Variants in ADAT2 observed in about 807,000 individuals in gnomAD.
ADAT2 encodes adenosine deaminase tRNA specific 2, also known as tRNA-specific adenosine-34 deaminase catalytic subunit ADAT2.
In ADAT2, 26 loss-of-function variants were observed where a neutral mutation model predicts 25.9. That is an observed-to-expected ratio of 1.00 (90% CI 0.74 to 1.39). The LOEUF is 1.39. Among genes scored for constraint, ADAT2 ranks in the 40% most tolerant of loss-of-function variants. The pLI is 0.00. For synonymous variants in ADAT2, 76 were observed against 86.8 expected, an observed-to-expected ratio of 0.88 and a Z score of 0.69; for missense variants, 220 against 244.8, an observed-to-expected ratio of 0.90 and a Z score of 0.68.
chr6:143,432,979 T>C lies in ADAT2; in HGVS notation c.353-368A>G, dbSNP rs373297915. Among the ~76,000 whole-genome samples, 21 of 152,308 alleles carry C rather than the reference T, an allele frequency of 1.4e-4. No individual in the cohort carries two copies. Among genetic ancestry groups the C allele is most frequent in the Admixed American group, 1.1e-3 (17 of 15,296 alleles). ...ATTTTCACCTTTTAGAAATAAAAGA[T>C]TCTTCCCTGTTCTTGCCCCAAATAA... On this transcript the variant is annotated intron_variant, in intron 3 of 5. Coordinates refer to ENST00000237283, the MANE Select transcript of ADAT2 (RefSeq NM_182503.3). The surrounding 1 kb of genome is among the most constrained non-coding windows in gnomAD (Gnocchi z 4.4).
rs1280346187 is a variant in ADAT2 at position 143,440,574 on chromosome 6, A to C, written c.97-1880T>G. ...CTGATGCAGTAAGACTGCATTCAGG[A>C]CTATTTTATGAACTATCCACAGGCC... On this transcript the variant is annotated intron_variant, in intron 1 of 5. Transcript: ENST00000237283. This position sits in a 1 kb window ranked among gnomAD's most constrained non-coding sequence, Gnocchi z 4.5. Among the ~76,000 whole-genome samples the C allele has an allele frequency of 6.6e-6, 1 of 152,180 alleles. No individual in the cohort carries two copies. Among genetic ancestry groups the C allele is most frequent in the Non-Finnish European group, 1.5e-5 (1 of 68,022 alleles).
In ADAT2 at chr6:143,438,617, C is replaced by A; in HGVS notation, c.174G>T (p.Gly58=). ...TTTTGGTTTGGTTAACTTCATTTCTCCCCTTCCCTACAACTTCATTGTTGT... is the reference window on the plus strand; with the variant it reads ...TTTTGGTTTGGTTAACTTCATTTCTACCCTTCCCTACAACTTCATTGTTGT... The part of the protein sequence containing the change: ...MVYNNEVVGK[G]RNEVNQTKNA... Residue 58 remains glycine (G), a synonymous_variant, in exon 2 of 6, where the codon GGG becomes GGT. Transcript: ENST00000237283. The A allele has an allele frequency of 1.9e-6, 3 of 1,613,408 alleles. No individual in the cohort carries two copies. Among genetic ancestry groups the A allele is most frequent in the Non-Finnish European group, 2.5e-6 (3 of 1,179,464 alleles).
chr6:143,430,638 TCACTGC>T, intron 4 of ADAT2, among the ~76,000 whole-genome samples: 1 of 152,156 alleles, frequency 6.6e-6, no homozygotes, highest in Non-Finnish European at 1.5e-5. Flanking sequence ...CTCGGCTCAC[TCACTGC>T]GAGCTCTGCC....
rs1430557802 is a variant in ADAT2 at position 143,427,108 on chromosome 6, C to CACACACACAG, written c.*1354_*1355insCTGTGTGTGT. On this transcript the variant is annotated 3_prime_UTR_variant, in exon 6 of 6. Transcript: ENST00000237283. Reference sequence around the variant, plus strand: ...TCAAATGCAGTTAAACACACACACACACACACACACACACACACACACACA... The same window carrying CACACACACAG: ...TCAAATGCAGTTAAACACACACACACACACACACAGACACACACACACACACACACACACA... 2.6e-5 allele frequency: 4 copies of CACACACACAG among 151,716 alleles called. No homozygotes were observed. Among genetic ancestry groups the CACACACACAG allele is most frequent in the African/African-American group, 7.3e-5 (3 of 41,102 alleles). The allele number at this position is 151,716 out of a possible 1,614,324, so 9.4% of individuals were successfully genotyped here.
chr6:143,438,320 G>A (rs1035788613), intron 2 of ADAT2, among the ~76,000 whole-genome samples: 3 of 152,098 alleles, frequency 2.0e-5, no homozygotes, highest in Admixed American at 2.0e-4. Context: ...AAGCATTAGA[G>A]TAAAACTCTA....
chr6:143,443,438 G>C (rs944914765), intron 1 of ADAT2, among the ~76,000 whole-genome samples: 1 of 151,912 alleles, frequency 6.6e-6, no homozygotes, highest in Non-Finnish European at 1.5e-5. Context: ...AAATTTTAAG[G>C]ATAAAAAAAA....
Position 143,434,053 on chromosome 6 carries a change from C to T in ADAT2, c.202-72G>A, listed in dbSNP as rs1779195909. ...CTACTATTTTACAAATATACAAAAA[C>T]TAAGTACAAAATATGCGCCTATCCT... On this transcript the variant is annotated intron_variant, in intron 2 of 5. Coordinates refer to ENST00000237283, the MANE Select transcript of ADAT2 (RefSeq NM_182503.3). This position sits in a 1 kb window ranked among gnomAD's most constrained non-coding sequence, Gnocchi z 4.5. The T allele has an allele frequency of 6.4e-7, 1 of 1,574,182 alleles. No homozygotes were observed. The highest frequency in any genetic ancestry group is 1.7e-5 in the Admixed American group (1 of 57,554).
At chr6:143,429,140 T>C (rs1476270223) in intron 4 of ADAT2, among the ~76,000 whole-genome samples, 1 of 152,210 alleles carries the variant, frequency 6.6e-6, no homozygotes, top group Non-Finnish European at 1.5e-5. Context: ...CCATTAAGCA[T>C]TCCATGCTAT....
chr6:143,426,967 C>T lies in ADAT2; in HGVS notation c.*1496G>A, dbSNP rs1244933622. The stretch of plus-strand genomic sequence containing the variant: ...AATTACGACCAACTGCAAAAAGGAA[C>T]AAACTAGTAGAAGCACTAAAATTCA... On this transcript the variant is annotated 3_prime_UTR_variant, in exon 6 of 6. Transcript: ENST00000237283. The surrounding 1 kb of genome is among the most constrained non-coding windows in gnomAD (Gnocchi z 4.1). 3 of 152,112 alleles carry T rather than the reference C, an allele frequency of 2.0e-5. No individual in the cohort carries two copies. The East Asian group carries it at 5.8e-4, about 29-fold the overall frequency. 9.4% of individuals were successfully genotyped at this position (152,112 alleles called of 1,614,324 possible).
intron 4 of ADAT2, among the ~76,000 whole-genome samples, chr6:143,429,307 A>G (rs1315459782): frequency 6.6e-6 from 1 of 152,240 alleles, no homozygotes; most frequent in African/African-American, 2.4e-5. Flanking sequence ...TGAAATATTT[A>G]CTAGTTAACC....
rs552569910 is a variant in ADAT2 at position 143,432,520 on chromosome 6, A to C, written c.444T>G (p.Thr148=). 2.0e-5 allele frequency: 32 copies of C among 1,614,022 alleles called. No individual in the cohort carries two copies. The highest frequency in any genetic ancestry group is 2.6e-5 in the Non-Finnish European group (31 of 1,179,966). Residue 148 remains threonine (T), a synonymous_variant, in exon 4 of 6, where the codon ACT becomes ACG. Transcript: ENST00000237283. The surrounding 1 kb of genome is among the most constrained non-coding windows in gnomAD (Gnocchi z 4.4). ...LNIASADLPN[T]GRPFQCIPGY... ...TTTGTATTACCTGAAATGGTCTCCCAGTGTTTGGTAGGTCAGCAGAGGCAA... is the reference window on the plus strand; with the variant it reads ...TTTGTATTACCTGAAATGGTCTCCCCGTGTTTGGTAGGTCAGCAGAGGCAA...
At chr6:143,438,872 G>C (rs1433329330) in intron 1 of ADAT2, among the ~76,000 whole-genome samples, 178 bp from the exon 2 acceptor site, 4 of 152,136 alleles carry the variant, frequency 2.6e-5, no homozygotes, top group African/African-American at 9.7e-5. Flanking sequence ...GTTCTGTGTT[G>C]TGTCCATGTT....
In ADAT2 at chr6:143,432,141, C is replaced by G. The variant is rs910078744; in HGVS notation, c.459+364G>C. Among the ~76,000 whole-genome samples, 1 of 152,186 alleles carries G rather than the reference C, an allele frequency of 6.6e-6. No homozygotes were observed. Among genetic ancestry groups the G allele is most frequent in the Non-Finnish European group, 1.5e-5 (1 of 68,030 alleles). On this transcript the variant is annotated intron_variant, in intron 4 of 5. Transcript: ENST00000237283. This position sits in a 1 kb window ranked among gnomAD's most constrained non-coding sequence, Gnocchi z 4.4. ...TAGTCTCTAGCGTCACTGACACAGG[C>G]CAAGCATCACCAAACTTGGTAGAGC... is the stretch of plus-strand genomic sequence containing the variant.
chr6:143,446,509 A>AT lies in ADAT2; in HGVS notation c.96+4053dup, dbSNP rs1293469508. On this transcript the variant is annotated intron_variant, in intron 1 of 5. Transcript: ENST00000237283. This position sits in a 1 kb window ranked among gnomAD's most constrained non-coding sequence, Gnocchi z 5.0. ...AAATACAAAGAGCTCCTACAGTGCGATTTTTTAAATCAAACTATTACAAAA... is the reference window on the plus strand; with the variant it reads ...AAATACAAAGAGCTCCTACAGTGCGATTTTTTTAAATCAAACTATTACAAAA... Among the ~76,000 whole-genome samples the AT allele has an allele frequency of 1.3e-5, 2 of 152,126 alleles. No individual in the cohort carries two copies. The highest frequency in any genetic ancestry group is 2.9e-5 in the Non-Finnish European group (2 of 68,024).
chr6:143,449,930 A>G (rs1779713087), intron 1 of ADAT2: 2 of 152,184 alleles, frequency 1.3e-5, no homozygotes, highest in African/African-American at 4.8e-5. Context: ...CAGGATAACG[A>G]CCTTTACCGA....
In ADAT2 at chr6:143,428,206, TTC is replaced by T. The variant is rs1778997501; in HGVS notation, c.*255_*256del. On this transcript the variant is annotated 3_prime_UTR_variant, in exon 6 of 6. Coordinates refer to ENST00000237283, the MANE Select transcript of ADAT2 (RefSeq NM_182503.3). This position sits in a 1 kb window ranked among gnomAD's most constrained non-coding sequence, Gnocchi z 5.0. ...AGAAGGGTATGCACTACTTGCTAAT[TTC>T]TAAAACCTCAAACCTTAATTTTCCC... is the stretch of plus-strand genomic sequence containing the variant. 3.8e-6 allele frequency: 2 copies of T among 528,642 alleles called. No homozygotes were observed. The highest frequency in any genetic ancestry group is 6.7e-6 in the Non-Finnish European group (2 of 298,818). The allele number at this position is 528,642 out of a possible 1,614,324, so 32.7% of individuals were successfully genotyped here.
At position 143,432,388 on chromosome 6, in the gene ADAT2, A is replaced by C. The variant is rs1272412100; in HGVS notation, c.459+117T>G. 1.1e-6 allele frequency: 1 copy of C among 941,512 alleles called. No individual in the cohort carries two copies. Among genetic ancestry groups the C allele is most frequent in the African/African-American group, 1.7e-5 (1 of 60,560 alleles). 58.3% of individuals were successfully genotyped at this position (941,512 alleles called of 1,614,324 possible). ...ACTCCACCAGAGGCCCTGAGATCAA[A>C]GATGTCTGATTCTATCATCGTTTCT... On this transcript the variant is annotated intron_variant, in intron 4 of 5. Transcript: ENST00000237283. The surrounding 1 kb of genome is among the most constrained non-coding windows in gnomAD (Gnocchi z 4.4).
In ADAT2 at chr6:143,422,957, G is replaced by T. The variant is rs564521888; in HGVS notation, c.*5506C>A. 1 of 152,160 alleles carries T rather than the reference G, an allele frequency of 6.6e-6. No homozygotes were observed. Among genetic ancestry groups the T allele is most frequent in the African/African-American group, 2.4e-5 (1 of 41,490 alleles). 9.4% of individuals were successfully genotyped at this position (152,160 alleles called of 1,614,324 possible). A position where few individuals can be genotyped will look rare whatever the true frequency, so the allele number is the denominator to read the frequency against. ...CATTCTAAGCCAGAAAACATATTTT[G>T]GTATCTTAGATTTTTCCTTTACATT... On this transcript the variant is annotated 3_prime_UTR_variant, in exon 6 of 6. Transcript: ENST00000237283. This position sits in a 1 kb window ranked among gnomAD's most constrained non-coding sequence, Gnocchi z 4.3.
chr6:143,448,694 ACTCG>A (rs994107457), intron 1 of ADAT2, among the ~76,000 whole-genome samples: 14 of 89,068 alleles, frequency 1.6e-4, no homozygotes, highest in African/African-American at 4.0e-4. Context: ...CTGGCTACTC[ACTCG>A]TCACTTCTTT....
Sources: allele counts gnomAD v4.1 joint callset (sites outside exome capture counted in the v4.1 genomes callset), GRCh38; gene constraint gnomAD v4.1.1; non-coding constraint Gnocchi (gnomAD v3.1); transcripts MANE v1.5; gene names NCBI Gene and HGNC (gene_info 2026-07-23, HGNC 2026-07-21).